The following TRPC1 variants were observed in gnomAD, a reference collection of about 807,000 sequenced individuals.
The protein encoded by TRPC1 is short transient receptor potential channel 1.
Under a neutral mutation model 88.2 loss-of-function variants are expected in TRPC1, and 42 were observed. The observed-to-expected ratio is 0.48, with a 90% CI of 0.37 to 0.62. The LOEUF (loss-of-function observed/expected upper bound fraction) is 0.62, where lower values mean the gene tolerates loss of function less well. TRPC1 is among the 20% of genes least tolerant of loss of function. The pLI is 0.00. For missense variants in TRPC1, 699 were observed against 957.3 expected (o/e 0.73, Z 3.56); for synonymous variants, 288 against 331.8 (o/e 0.87, Z 1.43).
chr3:142,772,379 A>G (rs1486823904), intron 4 of TRPC1, among the ~76,000 whole-genome samples: 2 of 151,988 alleles, frequency 1.3e-5, no homozygotes, highest in Non-Finnish European at 2.9e-5. Context: ...TTCAGCTTGC[A>G]TAATCTGTAT....
At chr3:142,766,867 C>T (rs1577977667) in intron 4 of TRPC1, among the ~76,000 whole-genome samples, 1 of 152,152 alleles carries the variant, frequency 6.6e-6, no homozygotes, top group East Asian at 1.9e-4. Flanking sequence ...AGTTCTGTCC[C>T]TCTAGAGAAC....
At chr3:142,734,905 C>G (rs1420986179) in intron 1 of TRPC1, among the ~76,000 whole-genome samples, 1 of 152,198 alleles carries the variant, frequency 6.6e-6, no homozygotes, top group Non-Finnish European at 1.5e-5. Flanking sequence ...CATTCTACTA[C>G]TAAGATGTTG....
At chr3:142,753,120 T>C (rs1454246693) in intron 4 of TRPC1, among the ~76,000 whole-genome samples, 1 of 152,104 alleles carries the variant, frequency 6.6e-6, no homozygotes, top group East Asian at 1.9e-4. Flanking sequence ...TAAATAAGTG[T>C]GTAGTTGAAG....
chr3:142,796,349 TA>T, intron 9 of TRPC1, among the ~76,000 whole-genome samples: 1 of 152,250 alleles, frequency 6.6e-6, no homozygotes, highest in Non-Finnish European at 1.5e-5. Context: ...TACAGTTTTT[TA>T]AAAAGTTATT....
chr3:142,804,803 T>C (rs1389122133), intron 12 of TRPC1, among the ~76,000 whole-genome samples, 173 bp downstream of exon 12: 1 of 152,098 alleles, frequency 6.6e-6, no homozygotes, highest in Non-Finnish European at 1.5e-5. Flanking sequence ...AAGGATTCAA[T>C]AAATACTATT....
intron 5 of TRPC1, among the ~76,000 whole-genome samples, chr3:142,779,517 A>C (rs1236146132): frequency 6.6e-6 from 1 of 152,234 alleles, no homozygotes; most frequent in Non-Finnish European, 1.5e-5. Flanking sequence ...TTAGATTCCT[A>C]AATCAAGAAG....
intron 7 of TRPC1, among the ~76,000 whole-genome samples, 175 bp from the exon 8 acceptor site, chr3:142,790,844 G>A (rs1936273116): frequency 1.3e-5 from 2 of 151,506 alleles, no homozygotes; most frequent in South Asian, 4.2e-4. Context: ...TGAAAGTTAA[G>A]GTTATTTTCT....
intron 12 of TRPC1, among the ~76,000 whole-genome samples, chr3:142,805,459 G>A (rs1334605196): frequency 6.6e-6 from 1 of 150,610 alleles, no homozygotes; most frequent in African/African-American, 2.5e-5. Flanking sequence ...TTCAGGCTGA[G>A]ACAAAATCAG....
At chr3:142,742,506 T>C (rs1934389816) in intron 2 of TRPC1, among the ~76,000 whole-genome samples, 1 of 152,202 alleles carries the variant, frequency 6.6e-6, no homozygotes, top group Admixed American at 6.5e-5. Context: ...CTTTTAGTTC[T>C]ATTTTTTACA....
intron 4 of TRPC1, among the ~76,000 whole-genome samples, chr3:142,759,655 G>A (rs766591327): frequency 2.6e-5 from 4 of 152,260 alleles, no homozygotes; most frequent in Non-Finnish European, 5.9e-5. Flanking sequence ...GTAGGTTGTA[G>A]TTTCTTTTGC....
rs1935449049 is a variant in TRPC1, at chr3:142,767,816, A to T, written c.633-9816A>T. 6.6e-6 allele frequency among the ~76,000 whole-genome samples: 1 copy of T among 151,704 alleles called. No homozygotes were observed. The highest frequency in any genetic ancestry group is 1.5e-5 in the Non-Finnish European group (1 of 67,884). On this transcript the variant is annotated intron_variant, in intron 4 of 12. Coordinates refer to ENST00000476941, the MANE Select transcript of TRPC1 (RefSeq NM_001251845.2). The surrounding 1 kb of genome is among the most constrained non-coding windows in gnomAD (Gnocchi z 5.1). ...GAATGACATCTTTTGCTTAATGGAT[A>T]TCTGCATATCTTTATTAGATATATG...
chr3:142,777,865 A>G, intron 5 of TRPC1, 102 bp downstream of exon 5: 11 of 1,276,878 alleles, frequency 8.6e-6, no homozygotes, highest in Non-Finnish European at 1.2e-5. Flanking sequence ...CATTTGATCC[A>G]AGAACACTAC....
chr3:142,804,058 T>C lies in TRPC1; in HGVS notation c.1839T>C (p.Tyr613=), dbSNP rs754453720. ...HVAIFVTRFS[Y]GEELQSFVGA... is the part of the protein sequence containing the mutation. ...CAATCTTTGTCACAAGATTTAGCTA[T>C]GGAGAAGAACTGCAGTCCTTTGTGG... The change falls in exon 11 of 13, where the codon TAT becomes TAC. Residue 613 remains tyrosine, a synonymous_variant. Transcript: ENST00000476941. 3.1e-6 allele frequency: 5 copies of C among 1,613,870 alleles called. No homozygotes were observed. Among genetic ancestry groups the C allele is most frequent in the South Asian group, 1.1e-5 (1 of 91,078 alleles).
chr3:142,757,084 C>T (rs986960899), intron 4 of TRPC1, among the ~76,000 whole-genome samples: 6 of 152,068 alleles, frequency 3.9e-5, no homozygotes, highest in Non-Finnish European at 7.4e-5. Context: ...AATAATATTC[C>T]GTTATGTATA....
At chr3:142,762,404 A>T in intron 4 of TRPC1, among the ~76,000 whole-genome samples, 1 of 143,428 alleles carries the variant, frequency 7.0e-6, no homozygotes, top group East Asian at 2.1e-4. Context: ...TTCTTCTGCT[A>T]ATTTTCGGTT....
intron 12 of TRPC1, 146 bp from the exon 13 acceptor site, chr3:142,805,862 G>A: frequency 1.7e-6 from 1 of 600,616 alleles, no homozygotes; most frequent in Non-Finnish European, 2.8e-6. Flanking sequence ...TTTTAAACAA[G>A]TGTTGAATAT....
chr3:142,760,663 C>A (rs1935151003), intron 4 of TRPC1, among the ~76,000 whole-genome samples: 1 of 152,084 alleles, frequency 6.6e-6, no homozygotes, highest in Admixed American at 6.5e-5. Context: ...CTCAAAATTG[C>A]TTTGGGTAGT....
At chr3:142,765,808 T>C (rs1935365238) in intron 4 of TRPC1, among the ~76,000 whole-genome samples, 1 of 151,878 alleles carries the variant, frequency 6.6e-6, no homozygotes, top group Non-Finnish European at 1.5e-5. Context: ...TGAGAGAAAA[T>C]ATCTGCAAAG....
chr3:142,794,835 T>C lies in TRPC1; in HGVS notation c.1581+1868T>C, dbSNP rs563029679. On this transcript the variant is annotated intron_variant, in intron 9 of 12. Transcript: ENST00000476941. ...CACTGCTCTAGTTTCAACGAACAAA[T>C]ATTAAAAGCAAGATGTGAAAGGATT... 9.5e-4 allele frequency among the ~76,000 whole-genome samples: 144 copies of C among 152,186 alleles called. 4 individuals are homozygous for C. The South Asian group carries it at 0.029, about 31-fold the overall frequency.
Sources: gnomAD v4.1 joint callset for allele counts (sites outside exome capture counted in the v4.1 genomes callset) on GRCh38, gnomAD v4.1.1 for gene constraint, Gnocchi (gnomAD v3.1) non-coding constraint, MANE v1.5 for transcripts, NCBI Gene and HGNC (gene_info 2026-07-23, HGNC 2026-07-21) for gene names.